KCNIP4: variants seen among roughly 807,000 people sequenced by gnomAD.
KCNIP4 encodes potassium voltage-gated channel interacting protein 4.
Under a neutral mutation model 34.0 loss-of-function variants are expected in KCNIP4, and 12 were observed. The observed-to-expected ratio is 0.35, with a 90% confidence interval of 0.23 to 0.57. The LOEUF (loss-of-function observed/expected upper bound fraction) is 0.57. Among genes scored for constraint, KCNIP4 ranks in the 20% least tolerant of loss-of-function variants. KCNIP4 has a pLI of 0.83. For synonymous variants in KCNIP4, 124 were observed against 102.2 expected (o/e 1.21, Z -1.29); for missense variants, 238 against 311.7 (o/e 0.76, Z 1.78).
chr4:21,384,319 T>C (rs1461221315), intron 1 of KCNIP4, among the ~76,000 whole-genome samples: 4 of 152,168 alleles, frequency 2.6e-5, no homozygotes, highest in African/African-American at 4.8e-5. Flanking sequence ...TTAAACTCTA[T>C]GGGAGTAGAA....
At chr4:21,068,516 T>C (rs913985831) in intron 1 of KCNIP4, among the ~76,000 whole-genome samples, 1 of 152,178 alleles carries the variant, frequency 6.6e-6, no homozygotes, top group Non-Finnish European at 1.5e-5. Flanking sequence ...TTTCTTCTAA[T>C]GTCTCAATGA....
intron 1 of KCNIP4, among the ~76,000 whole-genome samples, chr4:21,808,114 T>C (rs1315236308): frequency 6.6e-6 from 1 of 152,212 alleles, no homozygotes; most frequent in Non-Finnish European, 1.5e-5. Flanking sequence ...TATCATAGGG[T>C]AGAAAGGATA....
chr4:21,407,025 A>T (rs936734973), intron 1 of KCNIP4, among the ~76,000 whole-genome samples: 6 of 152,320 alleles, frequency 3.9e-5, no homozygotes, highest in Admixed American at 1.3e-4. Context: ...AACATTATGC[A>T]TAGAGAAAAG....
chr4:21,172,880 A>T (rs1754116764), intron 1 of KCNIP4, among the ~76,000 whole-genome samples: 1 of 152,178 alleles, frequency 6.6e-6, no homozygotes, highest in Non-Finnish European at 1.5e-5. Context: ...CATTAAAGGT[A>T]GTTCTGAGAA....
intron 8 of KCNIP4, chr4:20,731,652 GAT>G: frequency 6.1e-6 from 6 of 985,196 alleles, no homozygotes; most frequent in Non-Finnish European, 6.0e-6. Flanking sequence ...ATGCTGTGGA[GAT>G]ATGATAGATA....
intron 1 of KCNIP4, among the ~76,000 whole-genome samples, chr4:21,749,148 C>T (rs1021134862): frequency 6.6e-6 from 1 of 152,032 alleles, no homozygotes; most frequent in African/African-American, 2.4e-5. Context: ...TTGATGTTAT[C>T]CAAACATGTC....
chr4:20,857,717 A>C (rs1425730103), intron 2 of KCNIP4, among the ~76,000 whole-genome samples: 1 of 150,504 alleles, frequency 6.6e-6, no homozygotes, highest in Non-Finnish European at 1.5e-5. Context: ...TAATGATACA[A>C]ATAATGATAA....
At chr4:21,025,544 T>TTG in intron 1 of KCNIP4, among the ~76,000 whole-genome samples, 1 of 14,060 alleles carries the variant, frequency 7.1e-5, no homozygotes, top group Non-Finnish European at 1.4e-4. Flanking sequence ...ATTGATACTG[T>TTG]TTTTTTTTTT....
At chr4:21,647,974 C>T (rs886509026) in intron 1 of KCNIP4, among the ~76,000 whole-genome samples, 7 of 149,456 alleles carry the variant, frequency 4.7e-5, no homozygotes, top group Admixed American at 4.0e-4. Flanking sequence ...CCCGGGTTCA[C>T]GCCATTCTCC....
In KCNIP4 at chr4:21,332,668, T is replaced by A. The variant is rs547065315; in HGVS notation, c.62-449959A>T. On this transcript the variant is annotated intron_variant, in intron 1 of 8. Transcript: ENST00000382152. ...CCTGCTGTCTTCATCCCAAATAGAT[T>A]AAACCCTTCTCTCCATTTCCTGTAA... Among the ~76,000 whole-genome samples, 10 of 152,000 alleles carry A rather than the reference T, an allele frequency of 6.6e-5. No individual in the cohort carries two copies. In the East Asian group the frequency reaches 1.9e-3, roughly 29 times the overall value.
intron 1 of KCNIP4, among the ~76,000 whole-genome samples, chr4:21,114,693 T>C (rs562516045): frequency 3.9e-5 from 6 of 152,190 alleles, no homozygotes; most frequent in Non-Finnish European, 8.8e-5. Context: ...CTCAGTACTT[T>C]ATTATAACCA....
chr4:21,343,818 A>C (rs1203941416), intron 1 of KCNIP4, among the ~76,000 whole-genome samples: 1 of 152,150 alleles, frequency 6.6e-6, no homozygotes, highest in Admixed American at 6.6e-5. Flanking sequence ...ACAAATGCTC[A>C]GAGCCCTTCC....
intron 1 of KCNIP4, among the ~76,000 whole-genome samples, chr4:21,804,308 C>T (rs1159533852): frequency 1.3e-5 from 2 of 152,192 alleles, no homozygotes; most frequent in Admixed American, 1.3e-4. Flanking sequence ...TGTTTGTGAT[C>T]AGACATGATT....
At chr4:21,040,618 C>G (rs2149778340) in intron 1 of KCNIP4, among the ~76,000 whole-genome samples, 1 of 152,140 alleles carries the variant, frequency 6.6e-6, no homozygotes, top group East Asian at 1.9e-4. Context: ...ATAATAAAAC[C>G]TTCCTTCTTT....
rs139645620 is a variant in KCNIP4 at position 21,643,778 on chromosome 4, G to T, written c.61+304793C>A. Reference sequence around the variant, plus strand: ...CTCCAAGCTGCCAGACTATCCTGCAGATTTTTGACTTGTTGGCCTCCATAA... The same window carrying T: ...CTCCAAGCTGCCAGACTATCCTGCATATTTTTGACTTGTTGGCCTCCATAA... On this transcript the variant is annotated intron_variant, in intron 1 of 8. Coordinates refer to ENST00000382152, the MANE Select transcript of KCNIP4 (RefSeq NM_025221.6). Among the ~76,000 whole-genome samples the T allele has an allele frequency of 1.3e-3, 194 of 152,094 alleles. 2 individuals carry two copies. The highest frequency in any genetic ancestry group is 4.0e-3 in the African/African-American group (168 of 41,496).
chr4:20,952,614 C>T (rs1732893004), intron 1 of KCNIP4, among the ~76,000 whole-genome samples: 1 of 152,120 alleles, frequency 6.6e-6, no homozygotes, highest in African/African-American at 2.4e-5. Context: ...TAATAGAAAG[C>T]ATAACTTTTC....
At chr4:21,388,073 C>A (rs1000861113) in intron 1 of KCNIP4, among the ~76,000 whole-genome samples, 2 of 63,518 alleles carry the variant, frequency 3.1e-5, no homozygotes, top group African/African-American at 4.6e-5. Context: ...CTGCTTTGAG[C>A]CTGAGAATAG....
chr4:21,672,797 T>G (rs1024291526), intron 1 of KCNIP4, among the ~76,000 whole-genome samples: 2 of 152,338 alleles, frequency 1.3e-5, no homozygotes, highest in East Asian at 1.9e-4. Context: ...TGGGTGCTTC[T>G]GGCCCAGCAT....
intron 1 of KCNIP4, among the ~76,000 whole-genome samples, chr4:21,060,877 A>T (rs540350918): frequency 6.6e-6 from 1 of 152,336 alleles, no homozygotes; most frequent in Admixed American, 6.5e-5. Context: ...TATTTGTTAC[A>T]GCAGCAAGCA....
Sources: gnomAD v4.1 joint callset for allele counts (sites outside exome capture counted in the v4.1 genomes callset) on GRCh38, gnomAD v4.1.1 for gene constraint, MANE v1.5 for transcripts, NCBI Gene and HGNC (gene_info 2026-07-23, HGNC 2026-07-21) for gene names.